Variants in REPS2 observed in about 807,000 individuals in gnomAD.
REPS2 encodes RALBP1 associated Eps domain containing 2.
A neutral mutation model predicts 53.6 loss-of-function variants in REPS2; 23 were observed. The ratio of observed to expected loss-of-function variants is 0.43; its 90% CI spans 0.31 to 0.61. The LOEUF (loss-of-function observed/expected upper bound fraction) is 0.61, where lower values mean the gene tolerates loss of function less well. Among genes scored for constraint, REPS2 ranks in the 20% least tolerant of loss-of-function variants. The pLI, the probability that REPS2 is intolerant of heterozygous loss-of-function variation, is 0.11. For missense variants in REPS2, 446 were observed against 534.9 expected (o/e 0.83, Z 1.64); for synonymous variants, 238 against 218.6 (o/e 1.09, Z -0.78).
chrX:17,027,487 T>A (rs1015595971), intron 4 of REPS2, among the ~76,000 whole-genome samples: 11 of 111,457 alleles, frequency 9.9e-5, no homozygotes, highest in African/African-American at 3.6e-4. Flanking sequence ...TTCCAGTGTT[T>A]GGCTATTATG....
At chrX:17,045,342 A>G (rs112253944) in intron 5 of REPS2, among the ~76,000 whole-genome samples, 2,841 of 110,802 alleles carry the variant, frequency 0.026, 96 homozygotes, top group African/African-American at 0.09. Flanking sequence ...GAGATTAAAA[A>G]AAGATGGTCA....
chrX:17,045,156 C>CCTGGGTGAAGATGTT (rs1602782395), intron 5 of REPS2, among the ~76,000 whole-genome samples: 1 of 109,792 alleles, frequency 9.1e-6, no homozygotes, highest in Non-Finnish European at 1.9e-5. Context: ...TGGTCTTGAA[C>CCTGGGTGAAGATGTT]TCCTGACCTC....
At chrX:16,960,580 C>T (rs1468863164) in intron 1 of REPS2, among the ~76,000 whole-genome samples, 1 of 111,740 alleles carries the variant, frequency 8.9e-6, no homozygotes, top group Non-Finnish European at 1.9e-5. Context: ...AGATCTGGTA[C>T]AAAGCAAGGA....
intron 1 of REPS2, among the ~76,000 whole-genome samples, chrX:16,952,537 A>G (rs2060526892): frequency 8.9e-6 from 1 of 112,168 alleles, no homozygotes; most frequent in African/African-American, 3.2e-5. Flanking sequence ...ATTGAGGTAA[A>G]TAAGTAAAAC....
intron 1 of REPS2, among the ~76,000 whole-genome samples, chrX:16,988,276 T>C (rs2061116369): frequency 9.0e-6 from 1 of 111,368 alleles, no homozygotes; most frequent in Non-Finnish European, 1.9e-5. Context: ...ACACCGCCTG[T>C]CTCAGAAAAC....
At chrX:17,011,215 C>T (rs112444219) in intron 2 of REPS2, among the ~76,000 whole-genome samples, 9,109 of 111,004 alleles carry the variant, frequency 0.082, 377 homozygotes, top group Non-Finnish European at 0.13. Flanking sequence ...CCTGAGAGTG[C>T]GTGCCTCCTT....
chrX:17,192,811 G>A, the REPS2 span, among the ~76,000 whole-genome samples: 1 of 111,540 alleles, frequency 9.0e-6, no homozygotes, highest in African/African-American at 3.3e-5. Context: ...CTTTCCAGAG[G>A]TAACCACTCT....
At position 17,147,749 on chromosome X, in the gene REPS2, C is replaced by T. The variant is rs1056139677; in HGVS notation, c.*268C>T. 27 of 242,760 alleles carry T rather than the reference C, an allele frequency of 1.1e-4. No homozygotes were observed. The highest frequency in any genetic ancestry group is 7.3e-4 in the African/African-American group (26 of 35,428). The allele number at this position is 242,760 out of a possible 1,213,427, so 20.0% of individuals were successfully genotyped here. On this transcript the variant is annotated 3_prime_UTR_variant, in exon 18 of 18. Coordinates refer to ENST00000357277, the MANE Select transcript of REPS2 (RefSeq NM_004726.3). ...AAGTACTTCTGCAAGGTATTAGATGCTGCTCCTTACCAAAAATCAGTCTTC... is the reference window on the plus strand; with the variant it reads ...AAGTACTTCTGCAAGGTATTAGATGTTGCTCCTTACCAAAAATCAGTCTTC...
intron 6 of REPS2, among the ~76,000 whole-genome samples, chrX:17,048,081 A>C (rs2061931947): frequency 1.8e-5 from 2 of 112,613 alleles, no homozygotes; most frequent in Non-Finnish European, 3.7e-5. Flanking sequence ...GTGTGGCTAC[A>C]TTTTACCAGG....
intron 14 of REPS2, among the ~76,000 whole-genome samples, chrX:17,123,208 A>G (rs1279011756): frequency 1.8e-5 from 2 of 111,455 alleles, no homozygotes; most frequent in African/African-American, 6.5e-5. Flanking sequence ...GTGAGTCTCT[A>G]GAGAATCCTG....
At chrX:17,120,597 C>G (rs1241389532) in intron 14 of REPS2, among the ~76,000 whole-genome samples, 1 of 111,605 alleles carries the variant, frequency 9.0e-6, no homozygotes, top group Non-Finnish European at 1.9e-5. Context: ...GTCTAGTTGG[C>G]AAACACAGAA....
intron 16 of REPS2, chrX:17,136,882 G>A (rs777633440): frequency 1.8e-5 from 2 of 112,205 alleles, no homozygotes; most frequent in East Asian, 5.6e-4. Flanking sequence ...CACATAAATG[G>A]AATAATGAAA....
At chrX:17,000,046 CAAAAAAA>C (rs61082179) in intron 1 of REPS2, among the ~76,000 whole-genome samples, 2 of 27,106 alleles carry the variant, frequency 7.4e-5, no homozygotes, top group African/African-American at 1.2e-4. Flanking sequence ...GACTCCGTCT[CAAAAAAA>C]AAAAAAAAAA....
chrX:16,978,756 C>T (rs759765323), intron 1 of REPS2, among the ~76,000 whole-genome samples: 3 of 111,742 alleles, frequency 2.7e-5, no homozygotes, highest in African/African-American at 9.7e-5. Context: ...CTTCTTTCAC[C>T]CTAGCAAAGA....
chrX:16,949,171 C>T (rs1398196970), intron 1 of REPS2, among the ~76,000 whole-genome samples: 3 of 110,836 alleles, frequency 2.7e-5, no homozygotes, highest in Non-Finnish European at 5.7e-5. Flanking sequence ...TTAAAACAAA[C>T]GTAGATGTTT....
At position 17,031,591 on chromosome X, in the gene REPS2, A is replaced by G. The variant is rs147384223; in HGVS notation, c.771+1968A>G. On this transcript the variant is annotated intron_variant, in intron 5 of 17. Coordinates refer to ENST00000357277, the MANE Select transcript of REPS2 (RefSeq NM_004726.3). Reference sequence around the variant, plus strand: ...TCATTAACCAAACCACCACAAAGTAAATGTATAATTATGATATGGGATATC... The same window carrying G: ...TCATTAACCAAACCACCACAAAGTAGATGTATAATTATGATATGGGATATC... Among the ~76,000 whole-genome samples the G allele has an allele frequency of 7.6e-3, 850 of 112,309 alleles. 4 individuals carry two copies. The highest frequency in any genetic ancestry group is 0.012 in the Non-Finnish European group (624 of 53,247).
chrX:16,974,887 C>A (rs951850997), intron 1 of REPS2, among the ~76,000 whole-genome samples: 1 of 109,896 alleles, frequency 9.1e-6, no homozygotes, highest in Non-Finnish European at 1.9e-5. Flanking sequence ...CTCCAATAGG[C>A]CTCAGTGTCT....
At chrX:16,985,385 A>G (rs185731297) in intron 1 of REPS2, among the ~76,000 whole-genome samples, 10 of 111,721 alleles carry the variant, frequency 9.0e-5, no homozygotes, top group South Asian at 3.7e-4. Flanking sequence ...GCTTCCTTCA[A>G]CTATTTTCCT....
chrX:16,995,244 T>G (rs1220900259), intron 1 of REPS2, among the ~76,000 whole-genome samples: 1 of 112,297 alleles, frequency 8.9e-6, no homozygotes, highest in South Asian at 3.7e-4. Context: ...AAAGATTATG[T>G]GTCTTTCAGT....
Sources: gnomAD v4.1 joint callset for allele counts (sites outside exome capture counted in the v4.1 genomes callset) on GRCh38, gnomAD v4.1.1 for gene constraint, MANE v1.5 for transcripts, NCBI Gene and HGNC (gene_info 2026-07-23, HGNC 2026-07-21) for gene names.